CFAP20DC: variants seen among roughly 807,000 people sequenced by gnomAD.
CFAP20DC encodes the protein CFAP20 domain containing.
Under a neutral mutation model 101.7 loss-of-function variants are expected in CFAP20DC, and 84 were observed. The ratio of observed to expected loss-of-function variants is 0.83; its 90% CI spans 0.69 to 0.99. The LOEUF (loss-of-function observed/expected upper bound fraction) is 0.99, where lower values mean the gene tolerates loss of function less well. CFAP20DC is among the 50% of genes least tolerant of loss of function. CFAP20DC has a pLI of 0.00. For synonymous variants in CFAP20DC, 359 were observed against 351.2 expected (o/e 1.02, Z -0.25); for missense variants, 1,007 against 970.3 (o/e 1.04, Z -0.50).
At chr3:58,860,093 C>T (rs1222394977) in intron 12 of CFAP20DC, among the ~76,000 whole-genome samples, 2 of 147,256 alleles carry the variant, frequency 1.4e-5, no homozygotes, top group Non-Finnish European at 3.0e-5. Context: ...AGGAGAATTG[C>T]TTGAACCAGG....
chr3:58,950,187 G>T (rs575424992), intron 4 of CFAP20DC, among the ~76,000 whole-genome samples: 7 of 152,182 alleles, frequency 4.6e-5, no homozygotes, highest in Admixed American at 2.6e-4. Context: ...TCAAAGAGAA[G>T]AAAATACCTA....
chr3:58,858,754 G>C (rs12631740), intron 12 of CFAP20DC, among the ~76,000 whole-genome samples: 16,446 of 152,172 alleles, frequency 0.11, 1,549 homozygotes, highest in East Asian at 0.36. Flanking sequence ...TTGAGATTGA[G>C]TCAACAGGAG....
At chr3:58,742,616 C>A in intron 16 of CFAP20DC, 44 bp from the exon 17 acceptor site, 1 of 1,446,592 alleles carries the variant, frequency 6.9e-7, no homozygotes, top group Non-Finnish European at 9.5e-7. Context: ...GTTGGCTTGG[C>A]CCGGAATCCC....
At chr3:59,016,278 T>C (rs1464200793) in intron 4 of CFAP20DC, among the ~76,000 whole-genome samples, 3 of 152,074 alleles carry the variant, frequency 2.0e-5, no homozygotes, top group Non-Finnish European at 4.4e-5. Context: ...TCAGACATTA[T>C]GTTAAGTGAA....
At chr3:58,939,211 C>G (rs2088148196) in intron 4 of CFAP20DC, among the ~76,000 whole-genome samples, 1 of 152,102 alleles carries the variant, frequency 6.6e-6, no homozygotes, top group African/African-American at 2.4e-5. Flanking sequence ...CCCTATATGG[C>G]AGGTATGTAC....
chr3:58,853,403 G>T (rs2078441943), intron 12 of CFAP20DC, among the ~76,000 whole-genome samples: 1 of 152,112 alleles, frequency 6.6e-6, no homozygotes, highest in Non-Finnish European at 1.5e-5. Context: ...TCTACCAGAG[G>T]TACAAGGAAG....
chr3:58,764,352 C>T (rs998124012), intron 15 of CFAP20DC, among the ~76,000 whole-genome samples: 1 of 152,168 alleles, frequency 6.6e-6, no homozygotes, highest in African/African-American at 2.4e-5. Context: ...GGGATATAAT[C>T]TCCTGGTGTG....
intron 14 of CFAP20DC, among the ~76,000 whole-genome samples, chr3:58,810,216 AT>A (rs1054633726): frequency 1.3e-5 from 2 of 152,108 alleles, no homozygotes; most frequent in African/African-American, 4.8e-5. Flanking sequence ...GGCCAGCATC[AT>A]CCTGATACCA....
intron 15 of CFAP20DC, among the ~76,000 whole-genome samples, chr3:58,777,039 A>G (rs1030594954): frequency 2.7e-5 from 4 of 150,746 alleles, no homozygotes; most frequent in Admixed American, 6.6e-5. Flanking sequence ...TCTATTCCTA[A>G]GAAAGAGAGC....
chr3:58,987,212 A>T (rs1407943545), intron 4 of CFAP20DC, among the ~76,000 whole-genome samples: 2 of 152,080 alleles, frequency 1.3e-5, no homozygotes, highest in Non-Finnish European at 2.9e-5. Context: ...TTTGTGTTAT[A>T]AGAGAATGAG....
chr3:59,044,462 T>C (rs1699679320), intron 3 of CFAP20DC, among the ~76,000 whole-genome samples: 1 of 152,138 alleles, frequency 6.6e-6, no homozygotes, highest in Non-Finnish European at 1.5e-5. Flanking sequence ...AACTTTTAAT[T>C]ATAAGGCATT....
rs769405379 is a variant in CFAP20DC at position 58,742,572 on chromosome 3, C to T, written c.2333G>A (p.Gly778Asp). Reference protein sequence around the residue: ...PDSCESLSVQGEEDLSVEEDE... With the variant: ...PDSCESLSVQDEEDLSVEEDE... ...CTCTTCCACACTGAGGTCTTCTTCA[C>T]CTGTGGGGAAGGGGAACCACAGACA... is the stretch of plus-strand genomic sequence containing the variant. Residue 778 changes from glycine (G) to aspartate (D), a missense_variant and splice_region_variant, in exon 17 of 17, where the codon GGT becomes GAT. Transcript: ENST00000482387. 2.5e-6 allele frequency: 4 copies of T among 1,597,224 alleles called. No individual in the cohort carries two copies. The Admixed American group carries it at 6.9e-5, about 28-fold the overall frequency.
chr3:58,753,573 T>C lies in CFAP20DC; in HGVS notation c.2332+196A>G, dbSNP rs1336736379. 1.2e-5 allele frequency: 6 copies of C among 506,368 alleles called. No homozygotes were observed. In the East Asian group the frequency reaches 1.5e-4, roughly 13 times the overall value. The allele number at this position is 506,368 out of a possible 1,614,324, so 31.4% of individuals were successfully genotyped here. On this transcript the variant is annotated intron_variant, in intron 16 of 16. Coordinates refer to ENST00000482387, the MANE Select transcript of CFAP20DC (RefSeq NM_001394063.1). ...GTATTAACCTTTAGAAGAACAAGGG[T>C]AGTTTCTCTCATCTTCTTTTTAGTT...
chr3:59,037,575 A>T (rs1011570985), intron 4 of CFAP20DC, among the ~76,000 whole-genome samples: 2 of 152,216 alleles, frequency 1.3e-5, no homozygotes, highest in African/African-American at 4.8e-5. Context: ...TCAAAACCAC[A>T]ATGAGATACC....
At chr3:58,960,707 CAT>C (rs969291299) in intron 4 of CFAP20DC, among the ~76,000 whole-genome samples, 14 of 152,198 alleles carry the variant, frequency 9.2e-5, no homozygotes, top group East Asian at 5.8e-4. Context: ...CCTATGGACA[CAT>C]GTTTATGATT....
intron 16 of CFAP20DC, among the ~76,000 whole-genome samples, chr3:58,750,206 C>G (rs1020401575): frequency 6.6e-6 from 1 of 152,182 alleles, no homozygotes; most frequent in East Asian, 1.9e-4. Flanking sequence ...ATAACTCATG[C>G]ATTTACTTTT....
chr3:58,750,505 C>T (rs1196705753), intron 16 of CFAP20DC, among the ~76,000 whole-genome samples: 3 of 152,146 alleles, frequency 2.0e-5, no homozygotes, highest in African/African-American at 7.2e-5. Flanking sequence ...TATTTATATC[C>T]TAGAAGTCCA....
chr3:58,753,845 C>G lies in CFAP20DC; in HGVS notation c.2256G>C (p.Leu752Phe), dbSNP rs781436779. The G allele has an allele frequency of 1.2e-6, 2 of 1,611,556 alleles. No individual in the cohort carries two copies. The highest frequency in any genetic ancestry group is 1.7e-6 in the Non-Finnish European group (2 of 1,178,458). ...GACTGGGAGGAACGATTGGTGGGCT[C>G]AACATATTTAACCAGTCCCTAAAAA... ...PSNPRDWLNM[L>F]SPPIVPPSQQ... The change falls in exon 16 of 17, where the codon TTG (leucine) becomes TTC (phenylalanine). Residue 752 changes from leucine (L) to phenylalanine (F), a missense_variant. Physicochemically the swap from Leu to Phe is conservative, Grantham distance 22 (BLOSUM62 0). Coordinates refer to ENST00000482387, the MANE Select transcript of CFAP20DC (RefSeq NM_001394063.1).
At chr3:58,833,648 G>A (rs977054899) in intron 13 of CFAP20DC, among the ~76,000 whole-genome samples, 7 of 152,132 alleles carry the variant, frequency 4.6e-5, no homozygotes, top group Non-Finnish European at 1.0e-4. Context: ...CAGCCACTTT[G>A]GAAAACAGTT....
Sources: allele counts gnomAD v4.1 joint callset (sites outside exome capture counted in the v4.1 genomes callset), GRCh38; gene constraint gnomAD v4.1.1; transcripts MANE v1.5; gene names NCBI Gene and HGNC (gene_info 2026-07-23, HGNC 2026-07-21).